Variants in CCDC157 observed in about 807,000 individuals in gnomAD.
The protein encoded by CCDC157 is coiled-coil domain-containing protein 157.
Under a neutral mutation model 70.9 loss-of-function variants are expected in CCDC157, and 60 were observed. The observed-to-expected ratio is 0.85, with a 90% CI of 0.69 to 1.05. The LOEUF is 1.05. Ranked by LOEUF, CCDC157 falls within the 50% of genes least tolerant of loss-of-function variation. The pLI, the probability that CCDC157 is intolerant of heterozygous loss-of-function variation, is 0.00. For synonymous variants in CCDC157, 373 were observed against 422.4 expected, an observed-to-expected ratio of 0.88 and a Z score of 1.43; for missense variants, 943 against 984.2, an observed-to-expected ratio of 0.96 and a Z score of 0.56.
upstream of CCDC157, chr22:30,356,754 C>T: frequency 2.0e-6 from 3 of 1,485,916 alleles, no homozygotes; most frequent in Non-Finnish European, 1.8e-6. Context: ...TGGGCACGGG[C>T]GGCGGCGGGG....
At chr22:30,356,672 A>T, upstream of CCDC157, 1 of 1,310,580 alleles carries the variant, frequency 7.6e-7, no homozygotes, top group Admixed American at 2.8e-5. Context: ...TTCCTGTGCG[A>T]GTAAGGAGCG....
At chr22:30,369,036 C>T (rs1932824587) in intron 3 of CCDC157, 1 of 155,916 alleles carries the variant, frequency 6.4e-6, no homozygotes, top group South Asian at 2.1e-4. Context: ...CTCTTCCCCT[C>T]TCTGGGTCTC....
At chr22:30,366,768 A>G (rs1044798644) in intron 3 of CCDC157, 1 of 179,856 alleles carries the variant, frequency 5.6e-6, no homozygotes, top group African/African-American at 2.4e-5. Context: ...ATTAAAGTTA[A>G]CATGGTTGGC....
At chr22:30,359,662 A>G (rs943838313) in intron 1 of CCDC157, among the ~76,000 whole-genome samples, 3 of 152,346 alleles carry the variant, frequency 2.0e-5, no homozygotes, top group South Asian at 4.1e-4. Context: ...CAGGCATTAG[A>G]TTTTGAGACT....
chr22:30,357,675 T>TA (rs1422423788), intron 1 of CCDC157, among the ~76,000 whole-genome samples: 1 of 151,124 alleles, frequency 6.6e-6, no homozygotes, highest in African/African-American at 2.4e-5. Flanking sequence ...CTAATTTTTT[T>TA]TTTTTTTTTT....
At position 30,370,806 on chromosome 22, in the gene CCDC157, GA is replaced by G. The variant is rs1182563117; in HGVS notation, c.903del (p.Gln303ArgfsTer5). 6.2e-7 allele frequency: 1 copy of G among 1,613,270 alleles called. No homozygotes were observed. The highest frequency in any genetic ancestry group is 2.2e-5 in the East Asian group (1 of 44,884). On this transcript the variant is annotated frameshift_variant, in exon 5 of 12. Coordinates refer to ENST00000338306, the MANE Select transcript of CCDC157 (RefSeq NM_001017437.5). LOFTEE classifies it high-confidence loss of function. Reference sequence around the variant, plus strand: ...CCTCAGGGCCCAGCTGGAGGAGGCTGAAGGGCAGAAGGATGGCCTGAGGAAG... The same window carrying G: ...CCTCAGGGCCCAGCTGGAGGAGGCTGAGGGCAGAAGGATGGCCTGAGGAAG... ...EALRAQLEEAEGQKDGLRKQA... is the reference protein window; with the variant it reads ...EALRAQLEEAXGQKDGLRKQA...
chr22:30,371,960 A>G (rs1601739362), intron 6 of CCDC157, 115 bp from the exon 7 acceptor site: 1 of 820,410 alleles, frequency 1.2e-6, no homozygotes, highest in East Asian at 2.7e-5. Context: ...CTAGAGCCCC[A>G]TTTTGTGGCT....
intron 3 of CCDC157, among the ~76,000 whole-genome samples, chr22:30,368,088 C>G (rs571463977): frequency 6.6e-6 from 1 of 152,146 alleles, no homozygotes; most frequent in Non-Finnish European, 1.5e-5. Context: ...AAAGCCGTGA[C>G]GGCCAGACAG....
intron 10 of CCDC157, chr22:30,375,945 TGA>T (rs1276469517): frequency 1.3e-5 from 7 of 534,246 alleles, no homozygotes; most frequent in Non-Finnish European, 2.0e-5. Context: ...CCCAACAATT[TGA>T]GAGGCTGAGG....
At chr22:30,370,277 TCTCTA>T in intron 4 of CCDC157, 44 bp from the exon 5 acceptor site, 1 of 1,593,810 alleles carries the variant, frequency 6.3e-7, no homozygotes, top group African/African-American at 1.3e-5. Flanking sequence ...GTCACCTCCC[TCTCTA>T]CTCTCTCCCT....
rs1021292250 is a variant in CCDC157 at position 30,377,862 on chromosome 22, A to G, written c.*1117A>G. On this transcript the variant is annotated 3_prime_UTR_variant, in exon 12 of 12. Coordinates refer to ENST00000338306, the MANE Select transcript of CCDC157 (RefSeq NM_001017437.5). Reference sequence around the variant, plus strand: ...GGCGCCCACCAACTCCGTGCCATGTATTCATTAGCTCCCAGTTCTGGCAGT... The same window carrying G: ...GGCGCCCACCAACTCCGTGCCATGTGTTCATTAGCTCCCAGTTCTGGCAGT... The G allele has an allele frequency of 1.0e-4, 35 of 341,372 alleles. No homozygotes were observed. Among genetic ancestry groups the G allele is most frequent in the Non-Finnish European group, 1.9e-4 (33 of 171,538 alleles). The allele number at this position is 341,372 out of a possible 1,614,324, so 21.1% of individuals were successfully genotyped here.
chr22:30,360,633 G>C (rs536924809), intron 1 of CCDC157, among the ~76,000 whole-genome samples: 1 of 151,908 alleles, frequency 6.6e-6, no homozygotes. Flanking sequence ...ATGATCTGGC[G>C]GGGCGCGATA....
Position 30,378,359 on chromosome 22 carries a change from T to C in CCDC157, c.*1614T>C, listed in dbSNP as rs1601755524. ...AATCCCTTTGAGAAGCCAGGCGCAG[T>C]GGCTCACGTCTGTAATCCCAGCACT... On this transcript the variant is annotated 3_prime_UTR_variant, in exon 12 of 12. Coordinates refer to ENST00000338306, the MANE Select transcript of CCDC157 (RefSeq NM_001017437.5). 2 of 291,054 alleles carry C rather than the reference T, an allele frequency of 6.9e-6. No individual in the cohort carries two copies. Among genetic ancestry groups the C allele is most frequent in the East Asian group, 8.8e-5 (1 of 11,338 alleles). 18.0% of individuals were successfully genotyped at this position (291,054 alleles called of 1,614,324 possible).
intron 3 of CCDC157, chr22:30,368,689 C>G (rs1479485871): frequency 6.6e-6 from 1 of 152,226 alleles, no homozygotes; most frequent in Non-Finnish European, 1.5e-5. Flanking sequence ...CCCAGGCCCT[C>G]TCTGCCCAAG....
At position 30,372,145 on chromosome 22, in the gene CCDC157, G is replaced by A; in HGVS notation, c.1194G>A (p.Leu398=). ...CAGCGGAGAGGCAGGTGCAGCAGCT[G>A]GAGGAGCAGGTGCAGCAGTTGGAGG... ...RAAAERQVQQ[L]EEQVQQLEAQ... is the part of the protein sequence containing the mutation. Residue 398 remains leucine (L), a synonymous_variant, in exon 7 of 12, where the codon CTG becomes CTA. Transcript: ENST00000338306. 1 of 1,557,660 alleles carries A rather than the reference G, an allele frequency of 6.4e-7. No homozygotes were observed. The highest frequency in any genetic ancestry group is 8.7e-7 in the Non-Finnish European group (1 of 1,151,804).
At position 30,366,267 on chromosome 22, in the gene CCDC157, C is replaced by A. The variant is rs775428315; in HGVS notation, c.248+19C>A. ...TCGACAGGTGAGGGCCTTGACCAAG[C>A]CTGGTCATCTCAGGATGCCAGCACC... is the stretch of plus-strand genomic sequence containing the variant. On this transcript the variant is annotated intron_variant, in intron 3 of 11. Coordinates refer to ENST00000338306, the MANE Select transcript of CCDC157 (RefSeq NM_001017437.5). 1.2e-6 allele frequency: 2 copies of A among 1,612,062 alleles called. No homozygotes were observed. The highest frequency in any genetic ancestry group is 1.7e-5 in the Admixed American group (1 of 59,982).
chr22:30,367,558 A>G (rs1217403291), intron 3 of CCDC157, among the ~76,000 whole-genome samples: 1 of 151,848 alleles, frequency 6.6e-6, no homozygotes, highest in Non-Finnish European at 1.5e-5. Flanking sequence ...CTATTGTCCC[A>G]TCTACTTAGG....
chr22:30,371,978 C>G, intron 6 of CCDC157, 97 bp from the exon 7 acceptor site: 1 of 893,784 alleles, frequency 1.1e-6, no homozygotes, highest in Non-Finnish European at 1.7e-6. Context: ...GCTGAGGACT[C>G]TGAGGCCCAG....
In CCDC157 at chr22:30,373,752, CAG is replaced by C; in HGVS notation, c.1492_1493del (p.Arg498GlyfsTer160). ...AGCGGGAGCAGGGGCAATGCCAGCTCAGGGCCCAGCAGGTGAGGGTGGGGGTC... is the reference window on the plus strand; with the variant it reads ...AGCGGGAGCAGGGGCAATGCCAGCTCGGCCCAGCAGGTGAGGGTGGGGGTC... ...SEREQGQCQL[R>X]AQQELLQSLQ... On this transcript the variant is annotated frameshift_variant, in exon 8 of 12. Transcript: ENST00000338306. LOFTEE classifies it high-confidence loss of function. 1 of 1,552,330 alleles carries C rather than the reference CAG, an allele frequency of 6.4e-7. No homozygotes were observed. The highest frequency in any genetic ancestry group is 2.4e-5 in the East Asian group (1 of 41,474).
Sources: gnomAD v4.1 joint callset for allele counts (sites outside exome capture counted in the v4.1 genomes callset) on GRCh38, gnomAD v4.1.1 for gene constraint, MANE v1.5 for transcripts, NCBI Gene and HGNC (gene_info 2026-07-23, HGNC 2026-07-21) for gene names.